CSMD2: variants seen among roughly 807,000 people sequenced by gnomAD.
CSMD2 encodes CUB and sushi domain-containing protein 2.
Under a neutral mutation model 398.5 loss-of-function variants are expected in CSMD2, and 130 were observed. The ratio of observed to expected loss-of-function variants is 0.33; its 90% confidence interval spans 0.28 to 0.38. The LOEUF (loss-of-function observed/expected upper bound fraction) is 0.38. CSMD2 is among the 10% of genes least tolerant of loss of function. CSMD2 has a pLI of 1.00. For missense variants in CSMD2, 3,829 were observed against 4,764.9 expected (o/e 0.80, Z 5.78); for synonymous variants, 1,828 against 1,908.5 (o/e 0.96, Z 1.10).
At chr1:34,060,865 C>T (rs982435680) in intron 2 of CSMD2, among the ~76,000 whole-genome samples, 6 of 152,110 alleles carry the variant, frequency 3.9e-5, no homozygotes, top group Non-Finnish European at 7.4e-5. Flanking sequence ...GCCTCATCTT[C>T]GTGGTCCCTG....
Position 33,792,436 on chromosome 1 carries a change from T to C in CSMD2, c.1537A>G (p.Thr513Ala). Residue 513 changes from threonine (T) to alanine (A), a missense_variant, in exon 11 of 71, where the codon ACA (threonine) becomes GCA (alanine). This residue lies in a region of CSMD2 where 2,001 missense variants were observed against 2,567.1 expected (regional missense o/e 0.78). Coordinates refer to ENST00000373381, the MANE Select transcript of CSMD2 (RefSeq NM_001281956.2). ...GDGGQDGDQK[T>A]VLYILTGTSV... ...CACTGCACTTACATGTAGAGAACTG[T>C]CTTCTGGTCCCCATCCTGACCACCA... is the stretch of plus-strand genomic sequence containing the variant. The C allele has an allele frequency of 3.7e-6, 6 of 1,613,112 alleles. No homozygotes were observed. Among genetic ancestry groups the C allele is most frequent in the Non-Finnish European group, 5.1e-6 (6 of 1,179,252 alleles).
intron 29 of CSMD2, among the ~76,000 whole-genome samples, chr1:33,645,342 TATACACACACACACACAC>T (rs1244743989): frequency 1.6e-3 from 166 of 104,302 alleles, no homozygotes; most frequent in African/African-American, 6.1e-3. Context: ...TATGGAGCAT[TATACACACACACACACAC>T]ACACACACAC....
chr1:33,775,581 C>T (rs920147292), intron 12 of CSMD2, among the ~76,000 whole-genome samples: 1 of 152,068 alleles, frequency 6.6e-6, no homozygotes, highest in Non-Finnish European at 1.5e-5. Context: ...GGCCTGAGCA[C>T]TTGGGTGTAC....
chr1:34,125,468 A>G (rs6425876), intron 1 of CSMD2, among the ~76,000 whole-genome samples: 140,925 of 151,772 alleles, frequency 0.93, 65,924 homozygotes, highest in East Asian at 1. Context: ...CAGGTAGGCC[A>G]TGCACAGATG....
intron 3 of CSMD2, among the ~76,000 whole-genome samples, chr1:33,986,004 A>G (rs10914827): frequency 0.13 from 20,096 of 152,148 alleles, 2,168 homozygotes; most frequent in East Asian, 0.56. Context: ...GAGATGCTCC[A>G]TTAATAAGTC....
chr1:33,950,611 C>T (rs749698510), intron 3 of CSMD2, among the ~76,000 whole-genome samples: 3 of 152,100 alleles, frequency 2.0e-5, no homozygotes, highest in Admixed American at 6.6e-5. Flanking sequence ...GGTTGAGAAG[C>T]CAGTGGTTGG....
chr1:33,746,954 T>A (rs534925510), intron 13 of CSMD2, among the ~76,000 whole-genome samples: 9 of 152,330 alleles, frequency 5.9e-5, no homozygotes, highest in African/African-American at 2.2e-4. Flanking sequence ...TAACCCTGCA[T>A]GTATTTATCT....
intron 44 of CSMD2, chr1:33,598,834 T>C (rs1309355765): frequency 6.6e-6 from 1 of 152,078 alleles, no homozygotes; most frequent in Non-Finnish European, 1.5e-5. Context: ...ACCACGCCCA[T>C]CTAATTTTGT....
intron 1 of CSMD2, among the ~76,000 whole-genome samples, chr1:34,105,344 T>C (rs1036453): frequency 0.95 from 144,501 of 152,282 alleles, 69,007 homozygotes; most frequent in East Asian, 1. Context: ...CAACCAAAAT[T>C]TCTCCAGATA....
intron 11 of CSMD2, among the ~76,000 whole-genome samples, chr1:33,791,926 G>A (rs1654365587): frequency 6.6e-6 from 1 of 152,144 alleles, no homozygotes; most frequent in South Asian, 2.1e-4. Context: ...ATGTCATACT[G>A]GTCTTTTTTG....
chr1:34,098,555 T>C (rs986157056), intron 1 of CSMD2, among the ~76,000 whole-genome samples: 2 of 151,948 alleles, frequency 1.3e-5, no homozygotes, highest in Non-Finnish European at 2.9e-5. Flanking sequence ...ATGACACTTA[T>C]GAAAATAGTG....
At chr1:33,543,911 C>A (rs565942133) in intron 57 of CSMD2, among the ~76,000 whole-genome samples, 1 of 152,210 alleles carries the variant, frequency 6.6e-6, no homozygotes, top group East Asian at 1.9e-4. Context: ...ATTTAAGAAT[C>A]ATTTTGAACT....
At chr1:33,800,566 G>A (rs1024849468) in intron 10 of CSMD2, among the ~76,000 whole-genome samples, 2 of 152,168 alleles carry the variant, frequency 1.3e-5, no homozygotes, top group African/African-American at 4.8e-5. Context: ...CATGGCTGCT[G>A]CCAATAGAGA....
At chr1:33,988,105 T>C (rs1458099675) in intron 3 of CSMD2, among the ~76,000 whole-genome samples, 1 of 152,234 alleles carries the variant, frequency 6.6e-6, no homozygotes, top group Non-Finnish European at 1.5e-5. Context: ...TCCATTCATT[T>C]GTTCATCTCT....
chr1:34,027,931 A>G lies in CSMD2; in HGVS notation c.517+4663T>C, dbSNP rs570357771. Reference sequence around the variant, plus strand: ...GAGTCAGGAGGAGGAGGAGGAGGTAAGTGGGGCGAGGGCTCCTGGGGCCTA... The same window carrying G: ...GAGTCAGGAGGAGGAGGAGGAGGTAGGTGGGGCGAGGGCTCCTGGGGCCTA... On this transcript the variant is annotated intron_variant, in intron 3 of 70. Transcript: ENST00000373381. 7.2e-5 allele frequency among the ~76,000 whole-genome samples: 11 copies of G among 152,186 alleles called. No homozygotes were observed. In the South Asian group the frequency reaches 2.3e-3, roughly 32 times the overall value.
In CSMD2 at chr1:34,088,844, T is replaced by C. The variant is rs546287358; in HGVS notation, c.404+133A>G. On this transcript the variant is annotated intron_variant, in intron 2 of 70. Transcript: ENST00000373381. ...GACATGAATTGGAAAACCAGAGGGG[T>C]TGAGGGAGGACATCATGAAAACAGT... 1.9e-4 allele frequency: 141 copies of C among 735,856 alleles called. 4 individuals are homozygous for C. The South Asian group carries it at 2.3e-3, about 12-fold the overall frequency. 45.6% of individuals were successfully genotyped at this position (735,856 alleles called of 1,614,324 possible).
rs543572326 is a variant in CSMD2, at chr1:34,098,420, A to AAAAT, written c.188-9231_188-9228dup. On this transcript the variant is annotated intron_variant, in intron 1 of 70. Coordinates refer to ENST00000373381, the MANE Select transcript of CSMD2 (RefSeq NM_001281956.2). The stretch of plus-strand genomic sequence containing the variant: ...CTAAAACTTAAAGTATAATAATAAA[A>AAAAT]AAATAAATAAATAAATAAATAAATA... Among the ~76,000 whole-genome samples, 400 of 150,634 alleles carry AAAAT rather than the reference A, an allele frequency of 2.7e-3. 1 individual carries two copies. Among genetic ancestry groups the AAAAT allele is most frequent in the Middle Eastern group, 0.017 (5 of 292 alleles).
At chr1:33,680,977 T>C (rs1644892599) in intron 25 of CSMD2, among the ~76,000 whole-genome samples, 1 of 124,510 alleles carries the variant, frequency 8.0e-6, no homozygotes, top group Non-Finnish European at 1.6e-5. Context: ...CAGGCTGGAG[T>C]ACAGTGGCAT....
rs1642042391 is a variant in CSMD2 at position 33,625,270 on chromosome 1, G to A, written c.5297-16C>T. 2 of 1,602,468 alleles carry A rather than the reference G, an allele frequency of 1.2e-6. No individual in the cohort carries two copies. The highest frequency in any genetic ancestry group is 1.7e-5 in the Admixed American group (1 of 58,438). On this transcript the variant is annotated splice_polypyrimidine_tract_variant and intron_variant, in intron 33 of 70. Coordinates refer to ENST00000373381, the MANE Select transcript of CSMD2 (RefSeq NM_001281956.2). ...CGAGGAACCGCTGTGGGGGACAAGGGCACTGAGGGGAGGCCTCACCCCTCA... is the reference window on the plus strand; with the variant it reads ...CGAGGAACCGCTGTGGGGGACAAGGACACTGAGGGGAGGCCTCACCCCTCA...
Sources: allele counts gnomAD v4.1 joint callset (sites outside exome capture counted in the v4.1 genomes callset), GRCh38; gene constraint gnomAD v4.1.1; regional missense constraint gnomAD v4.1.1; transcripts MANE v1.5; gene names NCBI Gene and HGNC (gene_info 2026-07-23, HGNC 2026-07-21).